PTPRN2: variants seen among roughly 807,000 people sequenced by gnomAD.
PTPRN2 encodes protein tyrosine phosphatase receptor type N2.
In PTPRN2, 74 loss-of-function variants were observed where a neutral mutation model predicts 118.8. The ratio of observed to expected loss-of-function variants is 0.62; its 90% CI spans 0.52 to 0.76. The LOEUF is 0.76. Ranked by LOEUF, PTPRN2 falls within the 30% of genes least tolerant of loss-of-function variation. PTPRN2 has a pLI of 0.00. For synonymous variants in PTPRN2, 641 were observed against 608.0 expected (o/e 1.05, Z -0.80); for missense variants, 1,481 against 1,394.4 (o/e 1.06, Z -0.99).
intron 6 of PTPRN2, among the ~76,000 whole-genome samples, chr7:158,151,071 A>G (rs370132406): frequency 0.012 from 1,290 of 105,200 alleles, 103 homozygotes; most frequent in African/African-American, 0.049. Context: ...CCGCCTTTCC[A>G]CTCTTGCCCC....
Position 157,869,609 on chromosome 7 carries a change from T to C in PTPRN2, c.1788+29064A>G, listed in dbSNP as rs1353226418. 6.6e-6 allele frequency among the ~76,000 whole-genome samples: 1 copy of C among 151,788 alleles called. No individual in the cohort carries two copies. The highest frequency in any genetic ancestry group is 1.5e-5 in the Non-Finnish European group (1 of 67,996). ...TTTCCCATTACTATCTAAGGAAAAA[T>C]GGGTACCCTCTGGATATATTTTAAG... On this transcript the variant is annotated intron_variant, in intron 12 of 22. Transcript: ENST00000389418. This position sits in a 1 kb window ranked among gnomAD's most constrained non-coding sequence, Gnocchi z 4.2.
At chr7:158,453,099 C>G (rs963956506) in intron 2 of PTPRN2, among the ~76,000 whole-genome samples, 1 of 129,962 alleles carries the variant, frequency 7.7e-6, no homozygotes, top group Non-Finnish European at 1.7e-5. Context: ...CCTCACCGTA[C>G]GGTGCAGGGG....
intron 12 of PTPRN2, among the ~76,000 whole-genome samples, chr7:157,692,641 C>T (rs1285548292): frequency 1.3e-5 from 2 of 152,204 alleles, no homozygotes; most frequent in Non-Finnish European, 2.9e-5. Flanking sequence ...GAAGTGGCCT[C>T]GCATCGGGCC....
At chr7:158,558,746 C>T (rs1827200027) in intron 1 of PTPRN2, among the ~76,000 whole-genome samples, 1 of 133,920 alleles carries the variant, frequency 7.5e-6, no homozygotes, top group Admixed American at 8.1e-5. Context: ...CTGGATACAT[C>T]AGTGCTAGAC....
intron 11 of PTPRN2, among the ~76,000 whole-genome samples, chr7:158,065,988 G>A (rs1810743084): frequency 6.6e-6 from 1 of 152,308 alleles, no homozygotes; most frequent in Non-Finnish European, 1.5e-5. Context: ...TCCTGCCCTG[G>A]CTCTCTAACC....
chr7:158,372,510 G>A (rs1176698314), intron 2 of PTPRN2, among the ~76,000 whole-genome samples: 1 of 145,556 alleles, frequency 6.9e-6, no homozygotes, highest in Admixed American at 6.8e-5. Context: ...CCATGAGCTG[G>A]TACCCGGAGC....
intron 13 of PTPRN2, among the ~76,000 whole-genome samples, chr7:157,675,751 C>T (rs948295013): frequency 6.6e-6 from 1 of 152,098 alleles, no homozygotes. Flanking sequence ...TCAGAGCTGA[C>T]GTGGCACCCG....
chr7:158,055,769 C>T (rs375220974), intron 11 of PTPRN2, among the ~76,000 whole-genome samples: 5 of 152,194 alleles, frequency 3.3e-5, no homozygotes, highest in African/African-American at 1.2e-4. Context: ...CCTTACCCTG[C>T]CCCTTTGTTT....
chr7:157,545,809 C>A (rs1585010570), intron 22 of PTPRN2, among the ~76,000 whole-genome samples: 3 of 152,218 alleles, frequency 2.0e-5, no homozygotes, highest in Admixed American at 6.5e-5. Context: ...CTCGACGGCT[C>A]GCTCTTTCCT....
chr7:158,175,985 C>T lies in PTPRN2; in HGVS notation c.550-8694G>A, dbSNP rs748457524. 4.0e-5 allele frequency among the ~76,000 whole-genome samples: 6 copies of T among 151,632 alleles called. No homozygotes were observed. In the South Asian group the frequency reaches 1.3e-3, roughly 32 times the overall value. ...TCTCACCCCGCCCTGCTGAGACTCA[C>T]GACATCGTGAGGCCAGTGCTGCTCT... is the stretch of plus-strand genomic sequence containing the variant. On this transcript the variant is annotated intron_variant, in intron 5 of 22. Coordinates refer to ENST00000389418, the MANE Select transcript of PTPRN2 (RefSeq NM_002847.5).
intron 12 of PTPRN2, among the ~76,000 whole-genome samples, chr7:157,750,590 C>G (rs141006418): frequency 6.6e-6 from 1 of 152,174 alleles, no homozygotes; most frequent in Non-Finnish European, 1.5e-5. Context: ...AAGGCTGGCC[C>G]GAGGATGGCA....
rs993062182 is a variant in PTPRN2, at chr7:158,517,675, A to G, written c.113-27890T>C. On this transcript the variant is annotated intron_variant, in intron 1 of 22. Transcript: ENST00000389418. This position sits in a 1 kb window ranked among gnomAD's most constrained non-coding sequence, Gnocchi z 5.3. ...TGGAGTCCAAGCCAGCCTCATGGAC[A>G]GCGTCTCCAGACTCTTCCCCACCAT... Among the ~76,000 whole-genome samples, 13 of 152,270 alleles carry G rather than the reference A, an allele frequency of 8.5e-5. No homozygotes were observed. Among genetic ancestry groups the G allele is most frequent in the Admixed American group, 4.6e-4 (7 of 15,288 alleles).
rs76561730 is a variant in PTPRN2 at position 158,524,913 on chromosome 7, T to G, written c.113-35128A>C. On this transcript the variant is annotated intron_variant, in intron 1 of 22. Coordinates refer to ENST00000389418, the MANE Select transcript of PTPRN2 (RefSeq NM_002847.5). ...TGAATAAATGAGTTCAGACCCATGT[T>G]GTCCCAGGGCCCACTGTAGTTCCGA... Among the ~76,000 whole-genome samples the G allele has an allele frequency of 4.2e-3, 643 of 152,330 alleles. 29 individuals carry two copies. The East Asian group carries it at 0.11, about 25-fold the overall frequency.
At chr7:157,883,306 T>C (rs1469310393) in intron 12 of PTPRN2, among the ~76,000 whole-genome samples, 91 of 110,220 alleles carry the variant, frequency 8.3e-4, no homozygotes, top group Middle Eastern at 8.1e-3. Context: ...CCCAAAATGA[T>C]TGTTGGAGAT....
chr7:157,545,041 TGGA>T (rs1488733376), intron 22 of PTPRN2, among the ~76,000 whole-genome samples: 1 of 146,166 alleles, frequency 6.8e-6, no homozygotes, highest in Non-Finnish European at 1.5e-5. Flanking sequence ...TGTACACCTG[TGGA>T]GGTGTGTGGG....
rs551563707 is a variant in PTPRN2, at chr7:158,268,604, G to A, written c.277+48215C>T. ...AGGGCGGGTGTGAAATATCCCAGCCGCAGGCACACAGGGCGGGTGTGAAAT... is the reference window on the plus strand; with the variant it reads ...AGGGCGGGTGTGAAATATCCCAGCCACAGGCACACAGGGCGGGTGTGAAAT... On this transcript the variant is annotated intron_variant, in intron 3 of 22. Coordinates refer to ENST00000389418, the MANE Select transcript of PTPRN2 (RefSeq NM_002847.5). Among the ~76,000 whole-genome samples, 75 of 132,178 alleles carry A rather than the reference G, an allele frequency of 5.7e-4. 1 individual carries two copies. The highest frequency in any genetic ancestry group is 1.8e-3 in the African/African-American group (61 of 34,302). The allele number at this position is 132,178 out of a possible 152,430, so 86.7% of individuals were successfully genotyped here.
chr7:158,297,440 T>C (rs1358558938), intron 3 of PTPRN2, among the ~76,000 whole-genome samples: 1 of 152,188 alleles, frequency 6.6e-6, no homozygotes. Flanking sequence ...CGGTATCTCC[T>C]TGTGGTTCAG....
At position 157,609,209 on chromosome 7, in the gene PTPRN2, C is replaced by G. The variant is rs1055436596; in HGVS notation, c.2345-5134G>C. Among the ~76,000 whole-genome samples the G allele has an allele frequency of 2.8e-4, 43 of 152,072 alleles. No homozygotes were observed. Among genetic ancestry groups the G allele is most frequent in the African/African-American group, 8.7e-4 (36 of 41,394 alleles). ...ACCAGTCTGGCCAAAGTGGCAAAACCACGTCTCTACTAAAAATACAAAAAT... is the reference window on the plus strand; with the variant it reads ...ACCAGTCTGGCCAAAGTGGCAAAACGACGTCTCTACTAAAAATACAAAAAT... On this transcript the variant is annotated intron_variant, in intron 15 of 22. Transcript: ENST00000389418. The surrounding 1 kb of genome is among the most constrained non-coding windows in gnomAD (Gnocchi z 4.9).
chr7:157,565,543 T>C (rs1263248078), intron 21 of PTPRN2, among the ~76,000 whole-genome samples: 1 of 152,160 alleles, frequency 6.6e-6, no homozygotes, highest in East Asian at 1.9e-4. Context: ...GCCGTGGAAG[T>C]TTGGCCACAC....
Sources: gnomAD v4.1 joint callset for allele counts (sites outside exome capture counted in the v4.1 genomes callset) on GRCh38, gnomAD v4.1.1 for gene constraint, Gnocchi (gnomAD v3.1) non-coding constraint, MANE v1.5 for transcripts, NCBI Gene and HGNC (gene_info 2026-07-23, HGNC 2026-07-21) for gene names.